The following TIAM1 variants were observed in gnomAD, a reference collection of about 807,000 sequenced individuals.
The protein encoded by TIAM1 is rho guanine nucleotide exchange factor TIAM1.
In TIAM1, 65 loss-of-function variants were observed where a neutral mutation model predicts 163.5. That is an observed-to-expected ratio of 0.40 (90% CI 0.33 to 0.49). TIAM1 has a LOEUF of 0.49. TIAM1 is among the 20% of genes least tolerant of loss of function. The probability of loss-of-function intolerance (pLI) is 0.77; values close to 1 mark genes in which losing one functional copy is unlikely to be tolerated. For missense variants in TIAM1, 1,789 were observed against 2,044.7 expected (o/e 0.87, Z 2.41); for synonymous variants, 833 against 810.1 (o/e 1.03, Z -0.48).
In TIAM1 at chr21:31,152,692, C is replaced by A; in HGVS notation, c.3310G>T (p.Asp1104Tyr). The change falls in exon 19 of 28, where the codon GAT (aspartate) becomes TAT (tyrosine). Residue 1104 changes from aspartate to tyrosine, a missense_variant. Physicochemically the swap from Asp to Tyr is radical, Grantham distance 160 (BLOSUM62 -3). Transcript: ENST00000541036. ...FQVEFLKTLE[D>Y]GVRLVPDLEK... ...AAATCAGGTACCAGTCTCACTCCAT[C>A]TTCTAGAGTTTTAAGGAATTCTACT... 1 of 1,614,228 alleles carries A rather than the reference C, an allele frequency of 6.2e-7. No homozygotes were observed.
At chr21:31,333,110 T>G (rs915481460) in intron 2 of TIAM1, among the ~76,000 whole-genome samples, 13 of 152,136 alleles carry the variant, frequency 8.5e-5, no homozygotes, top group South Asian at 2.1e-4. Flanking sequence ...GAATTAAAGA[T>G]TGTAGATGCA....
Position 31,141,380 on chromosome 21 carries a change from G to T in TIAM1, c.3600C>A (p.Leu1200=). The change falls in exon 21 of 28, where the codon CTC becomes CTA. Residue 1200 remains leucine (L), a synonymous_variant. Coordinates refer to ENST00000541036, the MANE Select transcript of TIAM1 (RefSeq NM_001353694.2). The surrounding 1 kb of genome is among the most constrained non-coding windows in gnomAD (Gnocchi z 4.7). Reference sequence around the variant, plus strand: ...CATCGGTCAGGGCGAACAGCTCCCTGAGCAGAAGTGGGTACTTGAGGATCC... The same window carrying T: ...CATCGGTCAGGGCGAACAGCTCCCTTAGCAGAAGTGGGTACTTGAGGATCC... ...IQRILKYPLL[L]RELFALTDAE... The T allele has an allele frequency of 6.2e-7, 1 of 1,614,256 alleles. No homozygotes were observed. The highest frequency in any genetic ancestry group is 8.5e-7 in the Non-Finnish European group (1 of 1,180,048).
chr21:31,236,037 T>C (rs2088735082), intron 6 of TIAM1, among the ~76,000 whole-genome samples: 1 of 152,234 alleles, frequency 6.6e-6, no homozygotes, highest in African/African-American at 2.4e-5. Context: ...TCCCTCTGTC[T>C]CCTGGAAAGG....
At chr21:31,176,096 C>T (rs75604361) in intron 15 of TIAM1, among the ~76,000 whole-genome samples, 5,161 of 152,210 alleles carry the variant, frequency 0.034, 242 homozygotes, top group African/African-American at 0.11. Flanking sequence ...ATGGGCACAA[C>T]TTGGGGAGGT....
Position 31,394,728 on chromosome 21 carries a change from T to TCTCTCTCTCTCACA in TIAM1, c.-368-55307_-368-55306insTGTGAGAGAGAGAG, listed in dbSNP as rs1279053911. Among the ~76,000 whole-genome samples, 25 of 95,722 alleles carry TCTCTCTCTCTCACA rather than the reference T, an allele frequency of 2.6e-4. 1 individual carries two copies. Among genetic ancestry groups the TCTCTCTCTCTCACA allele is most frequent in the Admixed American group, 1.0e-3 (9 of 8,836 alleles). 62.8% of individuals were successfully genotyped at this position (95,722 alleles called of 152,430 possible). On this transcript the variant is annotated intron_variant, in intron 2 of 28. Transcript: ENST00000286827. ...CTCTCGCTCTCTCTCTCTCTCTCTC[T>TCTCTCTCTCTCACA]CACACACACACACACACACACACAC... is the stretch of plus-strand genomic sequence containing the variant.
chr21:31,557,219 T>G lies in TIAM1; in HGVS notation c.-422+1708A>C, dbSNP rs558986999. 1.7e-3 allele frequency among the ~76,000 whole-genome samples: 264 copies of G among 152,340 alleles called. 2 individuals carry two copies. The highest frequency in any genetic ancestry group is 6.0e-3 in the African/African-American group (250 of 41,588). On this transcript the variant is annotated intron_variant, in intron 1 of 28. Transcript: ENST00000286827. ...AAATCTAATTAAACCTAAGGCCAAG[T>G]AAAACAAGTCCTGTTTGAAGCTGAG...
chr21:31,522,576 T>C (rs2047639812), intron 1 of TIAM1, among the ~76,000 whole-genome samples: 1 of 152,076 alleles, frequency 6.6e-6, no homozygotes, highest in Admixed American at 6.6e-5. Context: ...CATGAAACTA[T>C]TAAACATAAT....
chr21:31,242,831 A>C (rs2071254226), intron 6 of TIAM1, among the ~76,000 whole-genome samples: 1 of 143,292 alleles, frequency 7.0e-6, no homozygotes. Context: ...ACTGCACTGC[A>C]GCCTGGGGGA....
rs557786772 is a variant in TIAM1, at chr21:31,204,103, A to C, written c.2389-1091T>G. Among the ~76,000 whole-genome samples the C allele has an allele frequency of 1.1e-3, 157 of 141,790 alleles. 1 individual carries two copies. Among genetic ancestry groups the C allele is most frequent in the African/African-American group, 4.4e-3 (147 of 33,522 alleles). The allele number at this position is 141,790 out of a possible 152,430, so 93.0% of individuals were successfully genotyped here. A position where few individuals can be genotyped will look rare whatever the true frequency, so the allele number is the denominator to read the frequency against. ...AAATCATTCTCAGTAGACAGTCAAG[A>C]GGATACAGGGAAAAAAAGAAAATGC... On this transcript the variant is annotated intron_variant, in intron 11 of 27. Coordinates refer to ENST00000541036, the MANE Select transcript of TIAM1 (RefSeq NM_001353694.2).
intron 1 of TIAM1, among the ~76,000 whole-genome samples, chr21:31,542,215 G>A (rs1384919691): frequency 1.3e-5 from 2 of 151,956 alleles, no homozygotes; most frequent in East Asian, 1.9e-4. Context: ...GACAAAGTCA[G>A]GAGAACGAGA....
At chr21:31,538,416 G>A (rs565532220) in intron 1 of TIAM1, among the ~76,000 whole-genome samples, 4 of 152,246 alleles carry the variant, frequency 2.6e-5, no homozygotes, top group African/African-American at 7.2e-5. Context: ...CATGGCATGC[G>A]CCTGTAGTCT....
intron 20 of TIAM1, among the ~76,000 whole-genome samples, chr21:31,143,985 C>T (rs113766158): frequency 6.1e-4 from 93 of 152,198 alleles, no homozygotes; most frequent in Middle Eastern, 6.8e-3. Context: ...CTGCCCACCT[C>T]GGCCTCCCAA....
intron 20 of TIAM1, among the ~76,000 whole-genome samples, chr21:31,143,465 T>TAC (rs777301327): frequency 1.1e-3 from 164 of 150,664 alleles, no homozygotes; most frequent in Middle Eastern, 6.8e-3. Context: ...TATATATATA[T>TAC]ACACACACAC....
chr21:31,350,013 C>T (rs1287606685), intron 2 of TIAM1, among the ~76,000 whole-genome samples: 2 of 152,216 alleles, frequency 1.3e-5, no homozygotes, highest in Non-Finnish European at 2.9e-5. Flanking sequence ...GTTTCTTAAA[C>T]GATCTTAGCA....
At chr21:31,349,682 C>T (rs947424755) in intron 2 of TIAM1, among the ~76,000 whole-genome samples, 14 of 152,188 alleles carry the variant, frequency 9.2e-5, no homozygotes, top group African/African-American at 3.1e-4. Context: ...CTTTATAATC[C>T]CCAGTATAGC....
intron 2 of TIAM1, among the ~76,000 whole-genome samples, chr21:31,359,894 T>G: frequency 2.0e-5 from 3 of 148,908 alleles, no homozygotes; most frequent in Non-Finnish European, 3.0e-5. Flanking sequence ...AATGAAAGGA[T>G]GTAATATGAA....
In TIAM1 at chr21:31,488,239, C is replaced by T. The variant is rs906488293; in HGVS notation, c.-421-24204G>A. 3.3e-5 allele frequency among the ~76,000 whole-genome samples: 5 copies of T among 152,300 alleles called. No homozygotes were observed. In the East Asian group the frequency reaches 7.7e-4, roughly 24 times the overall value. ...GGACTGAGTACTCCAGGGAGCTTTA[C>T]AATTGGTCCTCATAGCTACCCTTAT... On this transcript the variant is annotated intron_variant, in intron 1 of 28. Coordinates refer to the TIAM1 transcript ENST00000286827.
At chr21:31,528,000 T>C (rs1364814861) in intron 1 of TIAM1, among the ~76,000 whole-genome samples, 3 of 152,108 alleles carry the variant, frequency 2.0e-5, no homozygotes, top group Non-Finnish European at 4.4e-5. Flanking sequence ...AGTGTTACAG[T>C]GTTAATATAG....
intron 1 of TIAM1, among the ~76,000 whole-genome samples, chr21:31,524,547 T>C (rs1443845948): frequency 3.3e-5 from 5 of 152,330 alleles, no homozygotes; most frequent in African/African-American, 4.8e-5. Context: ...TCTTGCTAGA[T>C]GGCAAAAAGC....
Sources: allele counts gnomAD v4.1 joint callset (sites outside exome capture counted in the v4.1 genomes callset), GRCh38; gene constraint gnomAD v4.1.1; non-coding constraint Gnocchi (gnomAD v3.1); transcripts MANE v1.5; gene names NCBI Gene and HGNC (gene_info 2026-07-23, HGNC 2026-07-21).